Variants in RNF220 observed in about 807,000 individuals in gnomAD.
RNF220 encodes E3 ubiquitin-protein ligase RNF220.
RNF220 carries 7 observed loss-of-function variants against 67.1 expected under a neutral mutation model. The observed-to-expected ratio is 0.10, with a 90% CI of 0.06 to 0.20. The LOEUF is 0.20. Among genes scored for constraint, RNF220 ranks in the 10% least tolerant of loss-of-function variants. RNF220 has a pLI of 1.00. For synonymous variants in RNF220, 270 were observed against 283.2 expected, an observed-to-expected ratio of 0.95 and a Z score of 0.47; for missense variants, 565 against 740.3, an observed-to-expected ratio of 0.76 and a Z score of 2.75.
Position 44,510,195 on chromosome 1 carries a change from C to T in RNF220, c.625+97473C>T, listed in dbSNP as rs1216084079. On this transcript the variant is annotated intron_variant, in intron 2 of 14. Transcript: ENST00000361799. ...TCAAGGCAGCAGTGAATAGAGATCA[C>T]GCCACTGCACTCCAGCCTGGGTGAC... 6.2e-5 allele frequency among the ~76,000 whole-genome samples: 9 copies of T among 144,292 alleles called. No homozygotes were observed. In the South Asian group the frequency reaches 6.7e-4, roughly 11 times the overall value. The allele number at this position is 144,292 out of a possible 152,430, so 94.7% of individuals were successfully genotyped here.
chr1:44,503,333 CAAAAAAAAAAA>C (rs34103792), intron 2 of RNF220, among the ~76,000 whole-genome samples: 1 of 84,498 alleles, frequency 1.2e-5, no homozygotes, highest in Non-Finnish European at 2.2e-5. Flanking sequence ...GATGCTGTCT[CAAAAAAAAAAA>C]AAAAAAAAAA....
chr1:44,617,775 G>A (rs1287488541), intron 3 of RNF220, among the ~76,000 whole-genome samples: 2 of 152,182 alleles, frequency 1.3e-5, no homozygotes, highest in East Asian at 1.9e-4. Context: ...GCCTGTGTGT[G>A]CCTCACTTCC....
chr1:44,630,380 C>A (rs1254347815), intron 5 of RNF220, among the ~76,000 whole-genome samples: 1 of 152,220 alleles, frequency 6.6e-6, no homozygotes, highest in Non-Finnish European at 1.5e-5. Context: ...TCTAAGAACA[C>A]ATAAATTGTA....
chr1:44,599,294 C>T (rs1487163150), intron 2 of RNF220, among the ~76,000 whole-genome samples: 2 of 152,274 alleles, frequency 1.3e-5, no homozygotes, highest in African/African-American at 2.4e-5. Context: ...GACATATAGA[C>T]ATATGTGGAA....
At chr1:44,488,375 C>T (rs112271565) in intron 2 of RNF220, among the ~76,000 whole-genome samples, 4,026 of 151,918 alleles carry the variant, frequency 0.027, 161 homozygotes, top group African/African-American at 0.092. Flanking sequence ...GTGATCCACC[C>T]GCCTCAGCCC....
chr1:44,570,060 G>A (rs1470599308), intron 2 of RNF220, among the ~76,000 whole-genome samples: 1 of 152,182 alleles, frequency 6.6e-6, no homozygotes, highest in Non-Finnish European at 1.5e-5. Context: ...CACAAAGGAA[G>A]GAGTTGCTGT....
At chr1:44,485,801 T>C (rs1656237750) in intron 2 of RNF220, among the ~76,000 whole-genome samples, 2 of 152,302 alleles carry the variant, frequency 1.3e-5, no homozygotes, top group South Asian at 4.1e-4. Flanking sequence ...GGTAATTACA[T>C]GGGAGTTAGC....
chr1:44,490,680 A>C (rs1656778212), intron 2 of RNF220, among the ~76,000 whole-genome samples: 2 of 152,068 alleles, frequency 1.3e-5, no homozygotes, highest in Admixed American at 1.3e-4. Flanking sequence ...TCCAATTTAA[A>C]AACTGAAAAA....
chr1:44,602,822 T>C (rs1029369798), intron 2 of RNF220, among the ~76,000 whole-genome samples: 9 of 152,192 alleles, frequency 5.9e-5, no homozygotes, highest in African/African-American at 1.9e-4. Flanking sequence ...ACTGCTTGGC[T>C]AATGGGCTAT....
rs992222877 is a variant in RNF220 at position 44,624,196 on chromosome 1, C to T, written c.804+1409C>T. ...GGCAGCTGCAGACTCACAGAGGTAGCGAGCTACACTCACTGAGTGTGGCCC... is the reference window on the plus strand; with the variant it reads ...GGCAGCTGCAGACTCACAGAGGTAGTGAGCTACACTCACTGAGTGTGGCCC... On this transcript the variant is annotated intron_variant, in intron 4 of 14. Coordinates refer to ENST00000361799, the MANE Select transcript of RNF220 (RefSeq NM_018150.4). This position sits in a 1 kb window ranked among gnomAD's most constrained non-coding sequence, Gnocchi z 4.2. Among the ~76,000 whole-genome samples, 3 of 152,114 alleles carry T rather than the reference C, an allele frequency of 2.0e-5. No individual in the cohort carries two copies. The highest frequency in any genetic ancestry group is 4.8e-5 in the African/African-American group (2 of 41,414).
intron 2 of RNF220, among the ~76,000 whole-genome samples, chr1:44,429,100 AGTCTGCCACTT>A (rs1650085958): frequency 6.6e-6 from 1 of 151,746 alleles, no homozygotes; most frequent in African/African-American, 2.4e-5. Flanking sequence ...CCTACTCTTC[AGTCTGCCACTT>A]GTGGATTTTT....
chr1:44,458,328 T>C (rs2147949895), intron 2 of RNF220, among the ~76,000 whole-genome samples: 1 of 133,034 alleles, frequency 7.5e-6, no homozygotes, highest in Admixed American at 7.3e-5. Flanking sequence ...ATTGTTAGGA[T>C]TTTTCCAGTT....
At position 44,406,022 on chromosome 1, in the gene RNF220, T is replaced by C. The variant is rs533357733; in HGVS notation, c.-118+492T>C. On this transcript the variant is annotated intron_variant, in intron 1 of 14. Coordinates refer to ENST00000361799, the MANE Select transcript of RNF220 (RefSeq NM_018150.4). ...CTCCCCTATGTACCCCGCGTTGATTTCCGGCGAGGCCAGGGCTGGGTGGTA... is the reference window on the plus strand; with the variant it reads ...CTCCCCTATGTACCCCGCGTTGATTCCCGGCGAGGCCAGGGCTGGGTGGTA... Among the ~76,000 whole-genome samples the C allele has an allele frequency of 4.6e-5, 7 of 152,152 alleles. No individual in the cohort carries two copies. The East Asian group carries it at 1.4e-3, about 30-fold the overall frequency.
intron 5 of RNF220, chr1:44,626,603 G>A (rs1643946580): frequency 5.2e-6 from 3 of 581,440 alleles, no homozygotes; most frequent in African/African-American, 3.7e-5. Context: ...GGATTTTAGG[G>A]AGAGATGCCA....
At chr1:44,506,286 G>C (rs1214286630) in intron 2 of RNF220, among the ~76,000 whole-genome samples, 1 of 152,234 alleles carries the variant, frequency 6.6e-6, no homozygotes, top group Non-Finnish European at 1.5e-5. Flanking sequence ...GAGGGGTGAA[G>C]GGGGCAGAGT....
chr1:44,455,932 G>A (rs932721557), intron 2 of RNF220, among the ~76,000 whole-genome samples: 5 of 152,196 alleles, frequency 3.3e-5, no homozygotes, highest in Non-Finnish European at 7.3e-5. Flanking sequence ...TGATGAGGAA[G>A]GAGTGGTACT....
At chr1:44,544,176 C>CG (rs1467630236) in intron 2 of RNF220, among the ~76,000 whole-genome samples, 4 of 152,142 alleles carry the variant, frequency 2.6e-5, no homozygotes, top group Non-Finnish European at 5.9e-5. Flanking sequence ...TGAACTGGAG[C>CG]GGGGGTGGGA....
chr1:44,587,131 T>G (rs1665755930), intron 2 of RNF220, among the ~76,000 whole-genome samples: 1 of 150,924 alleles, frequency 6.6e-6, no homozygotes, highest in African/African-American at 2.4e-5. Flanking sequence ...TTGTATCTTC[T>G]TCTCTTCTTC....
rs756999428 is a variant in RNF220 at position 44,622,768 on chromosome 1, T to C, written c.785T>C (p.Met262Thr). The C allele has an allele frequency of 6.2e-7, 1 of 1,614,050 alleles. No individual in the cohort carries two copies. The highest frequency in any genetic ancestry group is 8.5e-7 in the Non-Finnish European group (1 of 1,179,936). Residue 262 changes from methionine (M) to threonine (T), a missense_variant, in exon 4 of 15, where the codon ATG becomes ACG. Coordinates refer to ENST00000361799, the MANE Select transcript of RNF220 (RefSeq NM_018150.4). This position sits in a 1 kb window ranked among gnomAD's most constrained non-coding sequence, Gnocchi z 4.3. ...AAGAATTCCCTTCTGAAGGATGCCA[T>C]GGCTCCAGGCACCCCAAAGGTAGGT... Reference protein sequence around the residue: ...SSKNSLLKDAMAPGTPKSLLL... With the variant: ...SSKNSLLKDATAPGTPKSLLL...
Sources: gnomAD v4.1 joint callset for allele counts (sites outside exome capture counted in the v4.1 genomes callset) on GRCh38, gnomAD v4.1.1 for gene constraint, Gnocchi (gnomAD v3.1) non-coding constraint, MANE v1.5 for transcripts, NCBI Gene and HGNC (gene_info 2026-07-23, HGNC 2026-07-21) for gene names.